Variants in VEGFA observed in about 807,000 individuals in gnomAD.
The protein encoded by VEGFA is vascular endothelial growth factor A, long form.
A neutral mutation model predicts 49.7 loss-of-function variants in VEGFA; 20 were observed. The observed-to-expected ratio is 0.40, with a 90% confidence interval of 0.28 to 0.58. The LOEUF (loss-of-function observed/expected upper bound fraction) is 0.58, where lower values mean the gene tolerates loss of function less well. VEGFA is among the 20% of genes least tolerant of loss of function. The pLI, the probability that VEGFA is intolerant of heterozygous loss-of-function variation, is 0.40. For synonymous variants in VEGFA, 219 were observed against 223.4 expected, an observed-to-expected ratio of 0.98 and a Z score of 0.18; for missense variants, 505 against 553.5, an observed-to-expected ratio of 0.91 and a Z score of 0.88.
chr6:43,776,342 A>G (rs1275426728), intron 2 of VEGFA: 2 of 152,156 alleles, frequency 1.3e-5, no homozygotes, highest in African/African-American at 2.4e-5. Flanking sequence ...CAGGATTGCT[A>G]TGTGGTAGTG....
intron 7 of VEGFA, 63 bp downstream of exon 7, chr6:43,782,150 GAGAA>G (rs1768019186): frequency 1.9e-6 from 3 of 1,603,322 alleles, no homozygotes; most frequent in Admixed American, 1.7e-5. Context: ...GAGAGAGAGA[GAGAA>G]AGAGAGTGAG....
At chr6:43,779,783 C>T (rs1766781484) in intron 5 of VEGFA, 1 of 453,262 alleles carries the variant, frequency 2.2e-6, no homozygotes, top group Non-Finnish European at 4.5e-6. Flanking sequence ...CTCTCTGGTC[C>T]CTTCTCCCCC....
At chr6:43,778,962 T>C (rs1243359502) in intron 5 of VEGFA, 44 bp downstream of exon 5, 1 of 1,612,532 alleles carries the variant, frequency 6.2e-7, no homozygotes, top group African/African-American at 1.3e-5. Flanking sequence ...CCATGGCCGG[T>C]TGTCTTGGTT....
Position 43,780,715 on chromosome 6 carries a change from G to GTTTT in VEGFA, c.963-13_963-10dup, listed in dbSNP as rs767349424. On this transcript the variant is annotated splice_polypyrimidine_tract_variant and intron_variant, in intron 5 of 7. Coordinates refer to ENST00000672860, the MANE Select transcript of VEGFA (RefSeq NM_003376.6). ...CCGCCCCCGCTCTCTCTCTGTCTCT[G>GTTTT]TTTTTTTATTTTCCAGAAAATCAGT... is the stretch of plus-strand genomic sequence containing the variant. 6.2e-7 allele frequency: 1 copy of GTTTT among 1,604,416 alleles called. No homozygotes were observed. Among genetic ancestry groups the GTTTT allele is most frequent in the South Asian group, 1.1e-5 (1 of 90,708 alleles).
At position 43,786,289 on chromosome 6, in the gene VEGFA, T is replaced by A. The variant is rs967640594; in HGVS notation, c.*1727T>A. 5.6e-6 allele frequency: 1 copy of A among 179,544 alleles called. No individual in the cohort carries two copies. The highest frequency in any genetic ancestry group is 1.2e-5 in the Non-Finnish European group (1 of 83,688). The allele number at this position is 179,544 out of a possible 1,614,324, so 11.1% of individuals were successfully genotyped here. A position where few individuals can be genotyped will look rare whatever the true frequency, so the allele number is the denominator to read the frequency against. ...TCTCCTTTTTTAATTTTAATATTTGTTATCATTTATTTATTGGTGCTACTG... is the reference window on the plus strand; with the variant it reads ...TCTCCTTTTTTAATTTTAATATTTGATATCATTTATTTATTGGTGCTACTG... On this transcript the variant is annotated 3_prime_UTR_variant, in exon 8 of 8. Transcript: ENST00000672860.
Position 43,777,653 on chromosome 6 carries a change from C to T in VEGFA, c.843C>T (p.Asn281=), listed in dbSNP as rs752952635. ...AGTGTGTGCCCACTGAGGAGTCCAA[C>T]ATCACCATGCAGGTGGGCATCTTTG... Residue 281 remains asparagine (N), a synonymous_variant, in exon 3 of 8, where the codon AAC becomes AAT. Coordinates refer to ENST00000672860, the MANE Select transcript of VEGFA (RefSeq NM_003376.6). This position sits in a 1 kb window ranked among gnomAD's most constrained non-coding sequence, Gnocchi z 4.3. 6.2e-7 allele frequency: 1 copy of T among 1,610,920 alleles called. No individual in the cohort carries two copies. The highest frequency in any genetic ancestry group is 1.1e-5 in the South Asian group (1 of 91,000).
rs1344251713 is a variant in VEGFA at position 43,784,428 on chromosome 6, G to A, written c.1167-113G>A. ...CCTTCCTGTCCTCTCTGCTCTTATG[G>A]TGCCGGAGGCTGCAGTGACCCAGGG... On this transcript the variant is annotated intron_variant, in intron 7 of 7. Transcript: ENST00000672860. The A allele has an allele frequency of 4.0e-6, 4 of 989,110 alleles. No individual in the cohort carries two copies. The East Asian group carries it at 9.5e-5, about 24-fold the overall frequency. 61.3% of individuals were successfully genotyped at this position (989,110 alleles called of 1,614,324 possible). A position where few individuals can be genotyped will look rare whatever the true frequency, so the allele number is the denominator to read the frequency against.
intron 6 of VEGFA, chr6:43,781,139 C>T: frequency 3.7e-6 from 2 of 542,050 alleles, no homozygotes; most frequent in Non-Finnish European, 6.6e-6. Context: ...CCTGCTCACC[C>T]AACTGGTTTC....
chr6:43,778,544 T>C lies in VEGFA; in HGVS notation c.932+8T>C. ...CAACAAATGTGAATGCAGGTGAGGA[T>C]GTAGTCACGGATTCATTATCAGCAA... On this transcript the variant is annotated splice_region_variant and intron_variant, in intron 4 of 7. Coordinates refer to ENST00000672860, the MANE Select transcript of VEGFA (RefSeq NM_003376.6). 5 of 1,613,408 alleles carry C rather than the reference T, an allele frequency of 3.1e-6. No individual in the cohort carries two copies. The highest frequency in any genetic ancestry group is 3.4e-6 in the Non-Finnish European group (4 of 1,179,330).
In VEGFA at chr6:43,785,010, C is replaced by A; in HGVS notation, c.*448C>A. 5.4e-6 allele frequency: 1 copy of A among 184,358 alleles called. No homozygotes were observed. The highest frequency in any genetic ancestry group is 6.3e-5 in the Admixed American group (1 of 15,950). The allele number at this position is 184,358 out of a possible 1,614,324, so 11.4% of individuals were successfully genotyped here. On this transcript the variant is annotated 3_prime_UTR_variant, in exon 8 of 8. Transcript: ENST00000672860. ...ATATTCTTTTTTTAAATTAACAGTG[C>A]TAATGTTATTGGTGTCTTCACTGGA...
rs2128063494 is a variant in VEGFA at position 43,784,706 on chromosome 6, C to A, written c.*144C>A. On this transcript the variant is annotated 3_prime_UTR_variant, in exon 8 of 8. Transcript: ENST00000672860. Reference sequence around the variant, plus strand: ...GACAGAACAGTCCTTAATCCAGAAACCTGAAATGAAGGAAGAGGAGACTCT... The same window carrying A: ...GACAGAACAGTCCTTAATCCAGAAAACTGAAATGAAGGAAGAGGAGACTCT... 1 of 1,486,180 alleles carries A rather than the reference C, an allele frequency of 6.7e-7. No homozygotes were observed. The highest frequency in any genetic ancestry group is 9.4e-7 in the Non-Finnish European group (1 of 1,066,862). 92.1% of individuals were successfully genotyped at this position (1,486,180 alleles called of 1,614,324 possible).
intron 6 of VEGFA, chr6:43,781,653 T>C (rs1168797925): frequency 3.3e-5 from 13 of 392,062 alleles, no homozygotes; most frequent in Non-Finnish European, 6.4e-5. Context: ...GTTGGGTCCC[T>C]GTGGCCTGAG....
chr6:43,770,711 C>T lies in VEGFA; in HGVS notation c.5C>T (p.Thr2Met), dbSNP rs2127995322. 1 of 1,550,542 alleles carries T rather than the reference C, an allele frequency of 6.4e-7. No individual in the cohort carries two copies. The highest frequency in any genetic ancestry group is 8.6e-7 in the Non-Finnish European group (1 of 1,160,340). The stretch of plus-strand genomic sequence containing the variant: ...TCCCGCAGCTGACCAGTCGCGCTGA[C>T]GGACAGACAGACAGACACCGCCCCC... The change falls in exon 1 of 8, where the codon ACG (threonine) becomes ATG (methionine). Residue 2 changes from threonine to methionine, a missense_variant. Around this residue, in one of 2 missense-constraint regions of VEGFA, gnomAD observed 340 missense variants for 321.8 expected, o/e 1.06. Coordinates refer to ENST00000672860, the MANE Select transcript of VEGFA (RefSeq NM_003376.6).
chr6:43,770,671 C>A lies in VEGFA; in HGVS notation c.-36C>A. On this transcript the variant is annotated 5_prime_UTR_variant, in exon 1 of 8. Coordinates refer to ENST00000672860, the MANE Select transcript of VEGFA (RefSeq NM_003376.6). ...GGTGACCGCCGGAGCGCGGCGTGAG[C>A]CCTCCCCCTTGGGATCCCGCAGCTG... 6.5e-7 allele frequency: 1 copy of A among 1,532,008 alleles called. No individual in the cohort carries two copies. The highest frequency in any genetic ancestry group is 8.7e-7 in the Non-Finnish European group (1 of 1,151,846). The allele number at this position is 1,532,008 out of a possible 1,614,324, so 94.9% of individuals were successfully genotyped here. A position where few individuals can be genotyped will look rare whatever the true frequency, so the allele number is the denominator to read the frequency against.
At chr6:43,771,589 C>T (rs1763582046) in intron 1 of VEGFA, among the ~76,000 whole-genome samples, 1 of 152,196 alleles carries the variant, frequency 6.6e-6, no homozygotes, top group Non-Finnish European at 1.5e-5. Context: ...AGGGCGGGAG[C>T]CGGAGGAGGA....
In VEGFA at chr6:43,771,028, C is replaced by T. The variant is rs1010547230; in HGVS notation, c.322C>T (p.Gln108Ter). 6.5e-7 allele frequency: 1 copy of T among 1,528,172 alleles called. No individual in the cohort carries two copies. The highest frequency in any genetic ancestry group is 2.6e-5 in the East Asian group (1 of 38,624). The allele number at this position is 1,528,172 out of a possible 1,614,324, so 94.7% of individuals were successfully genotyped here. A position where few individuals can be genotyped will look rare whatever the true frequency, so the allele number is the denominator to read the frequency against. The stretch of plus-strand genomic sequence containing the variant: ...AGAGAAGGAAGAGGAGAGGGGGCCG[C>T]AGTGGCGACTCGGCGCTCGGAAGCC... The change falls in exon 1 of 8, where the codon CAG becomes TAG. Residue 108 changes from glutamine to a stop codon, truncating the protein, a stop_gained. Coordinates refer to ENST00000672860, the MANE Select transcript of VEGFA (RefSeq NM_003376.6). LOFTEE classifies it high-confidence loss of function.
intron 2 of VEGFA, chr6:43,775,466 G>C (rs893876022): frequency 2.0e-5 from 3 of 152,224 alleles, no homozygotes; most frequent in Non-Finnish European, 4.4e-5. Context: ...GAAGGATGCG[G>C]GTGAGGTTCC....
At chr6:43,775,555 T>G (rs3799952) in intron 2 of VEGFA, 1 of 152,306 alleles carries the variant, frequency 6.6e-6, no homozygotes, top group East Asian at 1.9e-4. Context: ...CAGGTCTTTT[T>G]ACCCTCAGTT....
At chr6:43,782,565 G>A (rs576979865) in intron 7 of VEGFA, 8 of 245,314 alleles carry the variant, frequency 3.3e-5, no homozygotes, top group African/African-American at 1.3e-4. Context: ...CACTCACTCA[G>A]TGTTTCTTGC....
Sources: gnomAD v4.1 joint callset for allele counts (sites outside exome capture counted in the v4.1 genomes callset) on GRCh38, gnomAD v4.1.1 for gene constraint, gnomAD v4.1.1 regional missense constraint, Gnocchi (gnomAD v3.1) non-coding constraint, MANE v1.5 for transcripts, NCBI Gene and HGNC (gene_info 2026-07-23, HGNC 2026-07-21) for gene names.